PICALM: variants seen among roughly 807,000 people sequenced by gnomAD.
The protein encoded by PICALM is phosphatidylinositol binding clathrin assembly protein.
In PICALM, 40 loss-of-function variants were observed where a neutral mutation model predicts 80.5. That is an observed-to-expected ratio of 0.50 (90% confidence interval 0.39 to 0.65). The LOEUF is 0.65. Ranked by LOEUF, PICALM falls within the 30% of genes least tolerant of loss-of-function variation. The pLI is 0.00. For synonymous variants in PICALM, 288 were observed against 260.3 expected (o/e 1.11, Z -1.02); for missense variants, 676 against 778.9 (o/e 0.87, Z 1.57).
chr11:86,059,711 A>G (rs988169657), intron 1 of PICALM, among the ~76,000 whole-genome samples: 2 of 152,184 alleles, frequency 1.3e-5, no homozygotes, highest in African/African-American at 2.4e-5. Flanking sequence ...ACAGTAAGCC[A>G]TGATCATGAC....
intron 1 of PICALM, 88 bp downstream of exon 1, chr11:86,068,563 A>AT: frequency 7.9e-7 from 1 of 1,269,970 alleles, no homozygotes; most frequent in Non-Finnish European, 1.1e-6. Flanking sequence ...AAGAGGCAGT[A>AT]GAAGGGTGAA....
chr11:85,983,814 A>G (rs1057322932), intron 14 of PICALM, 52 bp downstream of exon 14: 7 of 737,922 alleles, frequency 9.5e-6, no homozygotes, highest in African/African-American at 9.1e-5. Flanking sequence ...TTCCTTACAC[A>G]GAATCTAAAT....
intron 1 of PICALM, among the ~76,000 whole-genome samples, chr11:86,033,359 T>C (rs2095792619): frequency 6.6e-6 from 1 of 152,094 alleles, no homozygotes; most frequent in Non-Finnish European, 1.5e-5. Context: ...ATTCCCTTTG[T>C]GATCTGTTCT....
intron 12 of PICALM, 139 bp from the exon 13 acceptor site, chr11:85,990,538 C>T: frequency 1.2e-5 from 5 of 415,346 alleles, no homozygotes; most frequent in Non-Finnish European, 1.7e-5. Context: ...TTATCAAAAA[C>T]AAAAAATACC....
At chr11:86,058,370 T>C (rs1254593623) in intron 1 of PICALM, among the ~76,000 whole-genome samples, 6 of 152,204 alleles carry the variant, frequency 3.9e-5, no homozygotes. Context: ...AGAGTATATC[T>C]GCAATCTTTA....
At chr11:86,058,321 A>AACAGAAG (rs2137581347) in intron 1 of PICALM, among the ~76,000 whole-genome samples, 1 of 152,326 alleles carries the variant, frequency 6.6e-6, no homozygotes, top group African/African-American at 2.4e-5. Flanking sequence ...CATGTAAATT[A>AACAGAAG]AAATATGACA....
intron 1 of PICALM, among the ~76,000 whole-genome samples, chr11:86,053,053 T>C (rs768072861): frequency 7.2e-5 from 11 of 152,236 alleles, no homozygotes; most frequent in South Asian, 2.1e-4. Flanking sequence ...TCATTTGATC[T>C]GTACTTATCT....
chr11:85,960,417 C>T (rs1169607341), intron 19 of PICALM, among the ~76,000 whole-genome samples: 1 of 152,180 alleles, frequency 6.6e-6, no homozygotes, highest in African/African-American at 2.4e-5. Context: ...AAAAAGCAAA[C>T]TTTATCCGAT....
At chr11:86,004,693 C>T (rs527162) in intron 8 of PICALM, among the ~76,000 whole-genome samples, 124,108 of 152,048 alleles carry the variant, frequency 0.82, 50,839 homozygotes, top group African/African-American at 0.89. Context: ...GGATTTGAGA[C>T]ACAGTTTCTG....
intron 1 of PICALM, among the ~76,000 whole-genome samples, chr11:86,032,596 A>G (rs2095774806): frequency 6.6e-6 from 1 of 152,208 alleles, no homozygotes; most frequent in Admixed American, 6.5e-5. Context: ...ACTGCACTCC[A>G]GCCTGGGCAA....
intron 19 of PICALM, among the ~76,000 whole-genome samples, chr11:85,973,432 G>C (rs985253777): frequency 2.0e-4 from 30 of 152,078 alleles, no homozygotes; most frequent in Admixed American, 6.6e-5. Context: ...AGACAGAGAG[G>C]GAGAGAGCAA....
At chr11:85,970,709 G>A (rs1038468310) in intron 19 of PICALM, among the ~76,000 whole-genome samples, 3 of 152,164 alleles carry the variant, frequency 2.0e-5, no homozygotes, top group Non-Finnish European at 2.9e-5. Context: ...CGGGGAGGCT[G>A]AGGCAGGAGG....
chr11:86,043,149 G>C (rs2096004955), intron 1 of PICALM, among the ~76,000 whole-genome samples: 1 of 152,096 alleles, frequency 6.6e-6, no homozygotes, highest in South Asian at 2.1e-4. Flanking sequence ...ACTAATAAAA[G>C]TTTACATGTA....
At chr11:86,062,518 CAAA>C (rs201512372) in intron 1 of PICALM, among the ~76,000 whole-genome samples, 1 of 123,352 alleles carries the variant, frequency 8.1e-6, no homozygotes, top group African/African-American at 3.0e-5. Flanking sequence ...AACTCCGTCT[CAAA>C]AAAAAAAAAA....
At chr11:85,987,568 T>A (rs1462012711) in intron 13 of PICALM, among the ~76,000 whole-genome samples, 1 of 152,236 alleles carries the variant, frequency 6.6e-6, no homozygotes, top group African/African-American at 2.4e-5. Context: ...TTTTAGTTGA[T>A]GACTACATAA....
chr11:86,001,487 C>T (rs1274798944), intron 9 of PICALM, among the ~76,000 whole-genome samples: 1 of 152,196 alleles, frequency 6.6e-6, no homozygotes, highest in Non-Finnish European at 1.5e-5. Flanking sequence ...CACATAATCC[C>T]ACAAAATCCC....
chr11:85,972,282 T>C (rs1349185216), intron 19 of PICALM, among the ~76,000 whole-genome samples: 6 of 152,216 alleles, frequency 3.9e-5, no homozygotes, highest in African/African-American at 1.4e-4. Context: ...CTAAGGAGTG[T>C]GCAGACTGTT....
chr11:86,068,537 G>A, intron 1 of PICALM, 114 bp downstream of exon 1: 1 of 1,006,880 alleles, frequency 9.9e-7, no homozygotes. Flanking sequence ...CCGTGCCAGA[G>A]AAGACGCAGG....
intron 13 of PICALM, among the ~76,000 whole-genome samples, chr11:85,989,854 T>C (rs2135888229): frequency 6.6e-6 from 1 of 151,988 alleles, no homozygotes; most frequent in East Asian, 1.9e-4. Context: ...AACCACCCTC[T>C]CTCCCAAGCA....
Sources: gnomAD v4.1 joint callset for allele counts (sites outside exome capture counted in the v4.1 genomes callset) on GRCh38, gnomAD v4.1.1 for gene constraint, MANE v1.5 for transcripts, NCBI Gene and HGNC (gene_info 2026-07-23, HGNC 2026-07-21) for gene names.